The following RAVER2 variants were observed in gnomAD, a reference collection of about 807,000 sequenced individuals.
RAVER2 encodes ribonucleoprotein, PTB binding 2, also known as ribonucleoprotein PTB-binding 2.
Under a neutral mutation model 78.1 loss-of-function variants are expected in RAVER2, and 46 were observed. That is an observed-to-expected ratio of 0.59 (90% CI 0.46 to 0.75). The LOEUF (loss-of-function observed/expected upper bound fraction) is 0.75. Among genes scored for constraint, RAVER2 ranks in the 30% least tolerant of loss-of-function variants. RAVER2 has a pLI of 0.00. For missense variants in RAVER2, 793 were observed against 837.5 expected, an observed-to-expected ratio of 0.95 and a Z score of 0.66; for synonymous variants, 311 against 313.3, an observed-to-expected ratio of 0.99 and a Z score of 0.08.
At position 64,784,780 on chromosome 1, in the gene RAVER2, G is replaced by A. The variant is rs897108783; in HGVS notation, c.978+3209G>A. Among the ~76,000 whole-genome samples the A allele has an allele frequency of 2.6e-5, 4 of 152,118 alleles. No homozygotes were observed. The East Asian group carries it at 5.8e-4, about 22-fold the overall frequency. Reference sequence around the variant, plus strand: ...ATGTGAATCAAAAACTCAGTTAATCGTGATTGGTCTCCCTCACCCACTTTC... The same window carrying A: ...ATGTGAATCAAAAACTCAGTTAATCATGATTGGTCTCCCTCACCCACTTTC... On this transcript the variant is annotated intron_variant, in intron 4 of 11. Coordinates refer to ENST00000294428, the Ensembl canonical transcript of RAVER2.
At chr1:64,747,458 C>G (rs1226342697) in intron 1 of RAVER2, among the ~76,000 whole-genome samples, 1 of 151,516 alleles carries the variant, frequency 6.6e-6, no homozygotes, top group Non-Finnish European at 1.5e-5. Context: ...TTTTGAAATA[C>G]TAAGTTCTTG....
At chr1:64,811,243 C>T (rs746002850) in intron 9 of RAVER2, among the ~76,000 whole-genome samples, 6 of 152,270 alleles carry the variant, frequency 3.9e-5, no homozygotes, top group South Asian at 2.1e-4. Context: ...GTTGCTATTG[C>T]GGTGAGCTCA....
intron 10 of RAVER2, among the ~76,000 whole-genome samples, chr1:64,814,180 C>T (rs1188479898): frequency 2.0e-5 from 3 of 152,136 alleles, no homozygotes; most frequent in Admixed American, 2.0e-4. Context: ...CTGCAACCTC[C>T]ACTTCCTGGG....
intron 1 of RAVER2, among the ~76,000 whole-genome samples, chr1:64,759,072 G>GAT (rs1232455976): frequency 6.6e-6 from 1 of 151,718 alleles, no homozygotes; most frequent in African/African-American, 2.4e-5. Context: ...TTTATAGTTA[G>GAT]ATATGTAATG....
chr1:64,808,218 G>C lies in RAVER2; in HGVS notation c.1680+744G>C, dbSNP rs1570574190. ...TATTTATAAATGTTGTAATAAGTAG[G>C]TAGACTAAAGTACATCTAATTTTTA... On this transcript the variant is annotated intron_variant, in intron 9 of 11. Coordinates refer to ENST00000294428, the Ensembl canonical transcript of RAVER2. 2.0e-5 allele frequency among the ~76,000 whole-genome samples: 3 copies of C among 152,064 alleles called. No individual in the cohort carries two copies. The South Asian group carries it at 6.2e-4, about 32-fold the overall frequency.
At chr1:64,798,699 A>G (rs746096324) in intron 5 of RAVER2, among the ~76,000 whole-genome samples, 7 of 152,220 alleles carry the variant, frequency 4.6e-5, no homozygotes, top group African/African-American at 9.6e-5. Flanking sequence ...TAATTTAACA[A>G]GAAGGGATGT....
chr1:64,780,218 G>T (rs1652591476), intron 3 of RAVER2, among the ~76,000 whole-genome samples: 1 of 152,032 alleles, frequency 6.6e-6, no homozygotes, highest in African/African-American at 2.4e-5. Context: ...CTTAACTTGT[G>T]GTCAAGAGAC....
intron 11 of RAVER2, chr1:64,815,085 A>G (rs1439873020): frequency 1.2e-5 from 3 of 255,976 alleles, no homozygotes; most frequent in African/African-American, 2.2e-5. Flanking sequence ...AGCCCATAGA[A>G]CAAATCTAGC....
chr1:64,802,449 C>T (rs1019485408), intron 5 of RAVER2, among the ~76,000 whole-genome samples: 2 of 152,042 alleles, frequency 1.3e-5, no homozygotes, highest in African/African-American at 4.8e-5. Flanking sequence ...CTCTTAGACG[C>T]GATTATGAGT....
chr1:64,805,674 G>A (rs1461406205), intron 8 of RAVER2, among the ~76,000 whole-genome samples: 1 of 152,118 alleles, frequency 6.6e-6, no homozygotes, highest in African/African-American at 2.4e-5. Flanking sequence ...GGCATTTTCA[G>A]CTTGAAGCTT....
At chr1:64,783,702 T>G (rs1652699864) in intron 4 of RAVER2, among the ~76,000 whole-genome samples, 1 of 152,200 alleles carries the variant, frequency 6.6e-6, no homozygotes. Flanking sequence ...GTCTATTCAC[T>G]CTGATGGTAG....
At chr1:64,808,532 G>A (rs1346391757) in intron 9 of RAVER2, among the ~76,000 whole-genome samples, 9 of 143,204 alleles carry the variant, frequency 6.3e-5, no homozygotes, top group African/African-American at 2.4e-4. Flanking sequence ...CACAACCTCG[G>A]CTCACTGCAA....
chr1:64,777,893 C>T lies in RAVER2; in HGVS notation c.587C>T (p.Ala196Val), dbSNP rs757683716. ...GTGGAATACATGAAAAAGGACTTTG[C>T]TGCAAAGGCTAGACTGGAGCTATTG... Residue 196 changes from alanine to valine, a missense_variant, in exon 3 of 12, where the codon GCT becomes GTT. By Grantham distance (64) the Ala-to-Val change is moderately conservative. Transcript: ENST00000294428. 2.5e-6 allele frequency: 4 copies of T among 1,614,094 alleles called. 1 individual carries two copies. In the South Asian group the frequency reaches 4.4e-5, roughly 18 times the overall value.
chr1:64,807,464 T>C (rs370892890), exon 9 of RAVER2: 1 of 1,613,810 alleles, frequency 6.2e-7, no homozygotes, highest in African/African-American at 1.3e-5. Context: ...GGCACAGAGA[T>C]AAGTTCAGGG....
At chr1:64,767,475 A>C (rs1469135882) in intron 1 of RAVER2, among the ~76,000 whole-genome samples, 4 of 151,992 alleles carry the variant, frequency 2.6e-5, no homozygotes, top group Non-Finnish European at 1.5e-5. Context: ...TCAGTGCCTG[A>C]TACCTTGTGA....
intron 5 of RAVER2, among the ~76,000 whole-genome samples, chr1:64,801,783 C>T (rs1653274487): frequency 6.6e-6 from 1 of 152,188 alleles, no homozygotes; most frequent in Non-Finnish European, 1.5e-5. Context: ...AGGAGAATCT[C>T]TTGAACCCAG....
intron 11 of RAVER2, among the ~76,000 whole-genome samples, chr1:64,826,309 A>G (rs1054653112): frequency 6.6e-6 from 1 of 152,234 alleles, no homozygotes; most frequent in African/African-American, 2.4e-5. Flanking sequence ...TGGAGGCTAA[A>G]GAGTGTCTGG....
At chr1:64,827,205 C>T (rs919598483) in intron 11 of RAVER2, among the ~76,000 whole-genome samples, 2 of 152,166 alleles carry the variant, frequency 1.3e-5, no homozygotes, top group Non-Finnish European at 2.9e-5. Flanking sequence ...TAAGATTTCT[C>T]TTTCGATTTT....
At chr1:64,817,863 G>A (rs938894766) in intron 11 of RAVER2, among the ~76,000 whole-genome samples, 5 of 151,954 alleles carry the variant, frequency 3.3e-5, no homozygotes, top group African/African-American at 1.2e-4. Flanking sequence ...TAACAAACCT[G>A]CACGTTGTGC....
Sources: allele counts gnomAD v4.1 joint callset (sites outside exome capture counted in the v4.1 genomes callset), GRCh38; gene constraint gnomAD v4.1.1; transcripts MANE v1.5; gene names NCBI Gene and HGNC (gene_info 2026-07-23, HGNC 2026-07-21).